SAMD12: variants seen among roughly 807,000 people sequenced by gnomAD.
SAMD12 encodes the protein sterile alpha motif domain-containing protein 12.
In SAMD12, 9 loss-of-function variants were observed where a neutral mutation model predicts 15.0. That is an observed-to-expected ratio of 0.60 (90% CI 0.36 to 1.05). The LOEUF (loss-of-function observed/expected upper bound fraction) is 1.05, where lower values mean the gene tolerates loss of function less well. SAMD12 is among the 50% of genes least tolerant of loss of function. The probability of loss-of-function intolerance (pLI) is 0.01; values close to 1 mark genes in which losing one functional copy is unlikely to be tolerated. For synonymous variants in SAMD12, 86 were observed against 90.1 expected (o/e 0.96, Z 0.25); for missense variants, 230 against 234.2 (o/e 0.98, Z 0.12).
At chr8:118,462,028 C>A (rs1290065155) in intron 2 of SAMD12, among the ~76,000 whole-genome samples, 2 of 152,192 alleles carry the variant, frequency 1.3e-5, no homozygotes, top group East Asian at 3.8e-4. Context: ...TAAGGACTTA[C>A]TAAATGGTAG....
intron 1 of SAMD12, among the ~76,000 whole-genome samples, chr8:118,598,744 A>G (rs1223027296): frequency 3.3e-5 from 5 of 152,210 alleles, no homozygotes; most frequent in African/African-American, 1.2e-4. Context: ...TTATTTACCC[A>G]AAGTCACTGA....
At chr8:118,135,226 G>A in the SAMD12 span, among the ~76,000 whole-genome samples, 1 of 152,130 alleles carries the variant, frequency 6.6e-6, no homozygotes, top group Non-Finnish European at 1.5e-5. Flanking sequence ...CTATCACCCA[G>A]GCTAGAGTGC....
intron 2 of SAMD12, among the ~76,000 whole-genome samples, chr8:118,464,540 GCTGA>G (rs1273207084): frequency 6.6e-6 from 1 of 152,180 alleles, no homozygotes; most frequent in Non-Finnish European, 1.5e-5. Flanking sequence ...CCAGTGGAAT[GCTGA>G]CTATTTCACT....
intron 2 of SAMD12, among the ~76,000 whole-genome samples, chr8:118,503,751 T>G (rs563894792): frequency 6.6e-6 from 1 of 152,310 alleles, no homozygotes; most frequent in South Asian, 2.1e-4. Flanking sequence ...CAATCCTCTG[T>G]TAGAACCACC....
intron 4 of SAMD12, among the ~76,000 whole-genome samples, chr8:118,221,817 C>T (rs1420388811): frequency 6.6e-6 from 1 of 152,132 alleles, no homozygotes; most frequent in Non-Finnish European, 1.5e-5. Context: ...TCAGAGTTGC[C>T]GTTTTTACAT....
At chr8:118,393,247 C>T (rs887004882) in intron 3 of SAMD12, among the ~76,000 whole-genome samples, 2 of 151,916 alleles carry the variant, frequency 1.3e-5, no homozygotes, top group South Asian at 2.1e-4. Flanking sequence ...AGGTCTTGCT[C>T]TGTCATGTGG....
chr8:118,281,190 T>C (rs544602763), intron 4 of SAMD12, among the ~76,000 whole-genome samples: 2 of 152,292 alleles, frequency 1.3e-5, no homozygotes, highest in East Asian at 3.9e-4. Context: ...AGATAACTCA[T>C]TTTGGCCTTT....
At chr8:118,286,780 T>G (rs1266513074) in intron 4 of SAMD12, among the ~76,000 whole-genome samples, 1 of 152,162 alleles carries the variant, frequency 6.6e-6, no homozygotes, top group African/African-American at 2.4e-5. Flanking sequence ...TAAAGGAGGT[T>G]TGGAGAAGTC....
chr8:118,324,644 G>A (rs1480629645), intron 4 of SAMD12, among the ~76,000 whole-genome samples: 1 of 152,202 alleles, frequency 6.6e-6, no homozygotes, highest in Admixed American at 6.5e-5. Context: ...GAGAAGGCAT[G>A]TGGAGGAAGT....
intron 4 of SAMD12, among the ~76,000 whole-genome samples, chr8:118,223,204 C>A (rs1219640075): frequency 6.6e-6 from 1 of 152,194 alleles, no homozygotes; most frequent in African/African-American, 2.4e-5. Context: ...AGTCTTTCTT[C>A]TTTTCTGAAA....
At chr8:118,434,074 C>T (rs565564705) in intron 3 of SAMD12, among the ~76,000 whole-genome samples, 4 of 152,248 alleles carry the variant, frequency 2.6e-5, no homozygotes, top group South Asian at 2.1e-4. Context: ...AAGAGAACAA[C>T]GTTAGCAAAT....
intron 1 of SAMD12, among the ~76,000 whole-genome samples, chr8:118,588,780 T>C (rs1489373173): frequency 2.0e-5 from 3 of 152,198 alleles, no homozygotes; most frequent in African/African-American, 7.2e-5. Flanking sequence ...GAAGAACTTA[T>C]GGGTCTTTGC....
chr8:118,252,170 GTAGTTGTGT>G (rs1428448412), intron 4 of SAMD12, among the ~76,000 whole-genome samples: 2 of 152,160 alleles, frequency 1.3e-5, no homozygotes, highest in Non-Finnish European at 2.9e-5. Context: ...TATGAAAACT[GTAGTTGTGT>G]TTTCTTCCTT....
In SAMD12 at chr8:118,378,949, T is replaced by C; in HGVS notation, c.*468A>G. 1 of 948,804 alleles carries C rather than the reference T, an allele frequency of 1.1e-6. No individual in the cohort carries two copies. The highest frequency in any genetic ancestry group is 1.3e-6 in the Non-Finnish European group (1 of 794,154). The allele number at this position is 948,804 out of a possible 1,614,324, so 58.8% of individuals were successfully genotyped here. On this transcript the variant is annotated 3_prime_UTR_variant, in exon 4 of 4. Transcript: ENST00000314727. Reference sequence around the variant, plus strand: ...CAGTGTAGTTTTAGATTCACTATAGTCTATTATAAAAATTATTCCACTTTC... The same window carrying C: ...CAGTGTAGTTTTAGATTCACTATAGCCTATTATAAAAATTATTCCACTTTC...
chr8:118,589,993 A>G (rs1827545103), intron 1 of SAMD12, among the ~76,000 whole-genome samples: 1 of 152,214 alleles, frequency 6.6e-6, no homozygotes, highest in African/African-American at 2.4e-5. Context: ...AAAGAGAAGG[A>G]AGACAATCTA....
intron 4 of SAMD12, among the ~76,000 whole-genome samples, chr8:118,287,273 C>T (rs1814090688): frequency 1.4e-5 from 2 of 147,922 alleles, no homozygotes; most frequent in Admixed American, 1.3e-4. Context: ...TACAGGCGCC[C>T]ACCACTGCGC....
At chr8:118,571,972 G>A (rs1827023929) in intron 2 of SAMD12, among the ~76,000 whole-genome samples, 1 of 152,136 alleles carries the variant, frequency 6.6e-6, no homozygotes, top group African/African-American at 2.4e-5. Context: ...CTTGCACCAT[G>A]GGCCTGGAAA....
the SAMD12 span, among the ~76,000 whole-genome samples, chr8:118,155,557 C>T: frequency 6.6e-6 from 1 of 152,146 alleles, no homozygotes; most frequent in African/African-American, 2.4e-5. Flanking sequence ...CAGAAAGATG[C>T]CCACTGATGT....
chr8:118,556,948 T>A (rs1322217364), intron 2 of SAMD12, among the ~76,000 whole-genome samples: 1 of 149,668 alleles, frequency 6.7e-6, no homozygotes, highest in Admixed American at 6.7e-5. Context: ...CAGGCGACAG[T>A]GCGAGACTCC....
Sources: gnomAD v4.1 joint callset for allele counts (sites outside exome capture counted in the v4.1 genomes callset) on GRCh38, gnomAD v4.1.1 for gene constraint, MANE v1.5 for transcripts, NCBI Gene and HGNC (gene_info 2026-07-23, HGNC 2026-07-21) for gene names.